GRID2: variants seen among roughly 807,000 people sequenced by gnomAD.
GRID2 encodes glutamate ionotropic receptor delta type subunit 2.
A neutral mutation model predicts 114.8 loss-of-function variants in GRID2; 33 were observed. The observed-to-expected ratio is 0.29, with a 90% CI of 0.22 to 0.38. The LOEUF is 0.38. GRID2 is among the 10% of genes least tolerant of loss of function. GRID2 has a pLI of 1.00. For synonymous variants in GRID2, 505 were observed against 449.9 expected (o/e 1.12, Z -1.55); for missense variants, 1,184 against 1,257.7 (o/e 0.94, Z 0.89).
chr4:93,154,709 C>A (rs977387461), intron 4 of GRID2, among the ~76,000 whole-genome samples: 1 of 151,496 alleles, frequency 6.6e-6, no homozygotes, highest in African/African-American at 2.4e-5. Context: ...TTCTGAGAAA[C>A]CTCATTATCT....
chr4:92,656,915 T>C (rs1225174653), intron 2 of GRID2, among the ~76,000 whole-genome samples: 1 of 151,716 alleles, frequency 6.6e-6, no homozygotes, highest in Non-Finnish European at 1.5e-5. Flanking sequence ...TGTCAAAATA[T>C]GTTCTGAAGC....
chr4:92,613,325 A>G (rs899572372), intron 2 of GRID2, among the ~76,000 whole-genome samples: 2 of 151,364 alleles, frequency 1.3e-5, no homozygotes, highest in African/African-American at 4.8e-5. Flanking sequence ...TAGTTTGCCA[A>G]TATTTTGTTA....
rs61653263 is a variant in GRID2 at position 92,548,401 on chromosome 4, A to ATTTTTTTTTTTTTTTTTTTTTT, written c.89-41712_89-41711insTTTTTTTTTTTTTTTTTTTTTT. Among the ~76,000 whole-genome samples, 217 of 60,786 alleles carry ATTTTTTTTTTTTTTTTTTTTTT rather than the reference A, an allele frequency of 3.6e-3. 73 individuals are homozygous for ATTTTTTTTTTTTTTTTTTTTTT. Among genetic ancestry groups the ATTTTTTTTTTTTTTTTTTTTTT allele is most frequent in the African/African-American group, 0.016 (189 of 11,756 alleles). The allele number at this position is 60,786 out of a possible 152,430, so 39.9% of individuals were successfully genotyped here. ...ATGAAGACATTTCTGAGACTGTGTA[A>ATTTTTTTTTTTTTTTTTTTTTT]TTTTTTTTTTTTTTTTTTGAGACAG... On this transcript the variant is annotated intron_variant, in intron 1 of 15. Coordinates refer to ENST00000282020, the MANE Select transcript of GRID2 (RefSeq NM_001510.4).
intron 2 of GRID2, among the ~76,000 whole-genome samples, chr4:92,753,350 G>A (rs1737546943): frequency 6.6e-6 from 1 of 152,118 alleles, no homozygotes; most frequent in African/African-American, 2.4e-5. Context: ...AAACACTGGA[G>A]GAATGATGCG....
chr4:92,890,740 T>G (rs1746716404), intron 2 of GRID2, among the ~76,000 whole-genome samples: 1 of 152,204 alleles, frequency 6.6e-6, no homozygotes, highest in African/African-American at 2.4e-5. Context: ...AAATACCTTT[T>G]GACCCAGCAA....
chr4:92,849,515 C>A (rs925738825), intron 2 of GRID2, among the ~76,000 whole-genome samples: 2 of 151,848 alleles, frequency 1.3e-5, no homozygotes, highest in African/African-American at 4.8e-5. Context: ...TATCCTATAA[C>A]AAAATAGTAA....
intron 1 of GRID2, among the ~76,000 whole-genome samples, chr4:92,541,360 T>G (rs1305066089): frequency 6.6e-6 from 1 of 151,788 alleles, no homozygotes; most frequent in African/African-American, 2.4e-5. Context: ...AAGAAACAAT[T>G]TTTTGGTCAA....
intron 8 of GRID2, among the ~76,000 whole-genome samples, chr4:93,322,802 A>G (rs1757379673): frequency 1.3e-5 from 2 of 152,218 alleles, no homozygotes; most frequent in African/African-American, 2.4e-5. Context: ...GGCAGTGATG[A>G]TGAGCATTTT....
intron 4 of GRID2, among the ~76,000 whole-genome samples, chr4:93,154,307 C>T (rs1382190519): frequency 6.6e-6 from 1 of 152,002 alleles, no homozygotes; most frequent in East Asian, 1.9e-4. Context: ...CCCACCACCA[C>T]CCTAACACCT....
chr4:92,856,896 C>T (rs543281359), intron 2 of GRID2, among the ~76,000 whole-genome samples: 2 of 152,188 alleles, frequency 1.3e-5, no homozygotes, highest in African/African-American at 4.8e-5. Context: ...GCAAGTCTGT[C>T]AGTACGTTTT....
At chr4:92,675,142 T>C (rs552049160) in intron 2 of GRID2, among the ~76,000 whole-genome samples, 76 of 152,314 alleles carry the variant, frequency 5.0e-4, no homozygotes, top group Non-Finnish European at 5.0e-4. Context: ...GCTTTTACTT[T>C]GTTAGAGCAC....
intron 2 of GRID2, among the ~76,000 whole-genome samples, chr4:92,617,644 TTTCTC>T (rs1370415377): frequency 6.6e-6 from 1 of 151,770 alleles, no homozygotes; most frequent in Non-Finnish European, 1.5e-5. Context: ...TTTCCTTCCT[TTTCTC>T]TACATCCCGG....
intron 9 of GRID2, among the ~76,000 whole-genome samples, chr4:93,410,879 G>A (rs538847229): frequency 5.3e-5 from 8 of 152,256 alleles, no homozygotes; most frequent in South Asian, 2.1e-4. Context: ...CACAGTGCCC[G>A]GCCTCTCTAT....
chr4:92,349,432 TA>T (rs1333027779), intron 1 of GRID2, among the ~76,000 whole-genome samples: 2 of 151,870 alleles, frequency 1.3e-5, no homozygotes, highest in Non-Finnish European at 2.9e-5. Flanking sequence ...ATATTAACTA[TA>T]CATATTGGTA....
chr4:92,586,555 G>C (rs1354492223), intron 1 of GRID2, among the ~76,000 whole-genome samples: 1 of 151,852 alleles, frequency 6.6e-6, no homozygotes, highest in Non-Finnish European at 1.5e-5. Context: ...TAGCTTGTCA[G>C]TTAGCTTTGA....
intron 2 of GRID2, among the ~76,000 whole-genome samples, chr4:92,655,783 A>G (rs1443463366): frequency 1.3e-5 from 2 of 151,816 alleles, no homozygotes; most frequent in African/African-American, 4.8e-5. Context: ...ATATAAGATC[A>G]TGTCATCTAC....
intron 9 of GRID2, among the ~76,000 whole-genome samples, chr4:93,420,944 G>A (rs955624427): frequency 2.6e-5 from 4 of 151,862 alleles, no homozygotes; most frequent in Admixed American, 6.6e-5. Flanking sequence ...TAGTAGAGAC[G>A]GGGTTTCACC....
Position 93,131,145 on chromosome 4 carries a change from A to ATT in GRID2, c.735+20215_735+20216dup, listed in dbSNP as rs34215461. 3.2e-3 allele frequency among the ~76,000 whole-genome samples: 284 copies of ATT among 88,730 alleles called. 12 individuals carry two copies. Among genetic ancestry groups the ATT allele is most frequent in the African/African-American group, 8.0e-3 (152 of 19,058 alleles). 58.2% of individuals were successfully genotyped at this position (88,730 alleles called of 152,430 possible). ...AGAACTTCCATGAAAAGATTAAATAATTTTTTTTTTTTTTTTTTTTTTTTG... is the reference window on the plus strand; with the variant it reads ...AGAACTTCCATGAAAAGATTAAATAATTTTTTTTTTTTTTTTTTTTTTTTTTG... On this transcript the variant is annotated intron_variant, in intron 4 of 15. Coordinates refer to ENST00000282020, the MANE Select transcript of GRID2 (RefSeq NM_001510.4).
At chr4:92,468,162 T>C (rs1375627716) in intron 1 of GRID2, among the ~76,000 whole-genome samples, 2 of 152,196 alleles carry the variant, frequency 1.3e-5, no homozygotes, top group African/African-American at 4.8e-5. Flanking sequence ...AATGAAATAC[T>C]ATTATTTAAT....
Sources: allele counts gnomAD v4.1 joint callset (sites outside exome capture counted in the v4.1 genomes callset), GRCh38; gene constraint gnomAD v4.1.1; transcripts MANE v1.5; gene names NCBI Gene and HGNC (gene_info 2026-07-23, HGNC 2026-07-21).